Variants in TAOK2 observed in about 807,000 individuals in gnomAD.
TAOK2 encodes the protein TAO kinase 2.
TAOK2 carries 42 observed loss-of-function variants against 122.5 expected under a neutral mutation model. The ratio of observed to expected loss-of-function variants is 0.34; its 90% CI spans 0.27 to 0.44. TAOK2 has a LOEUF of 0.44. TAOK2 is among the 20% of genes least tolerant of loss of function. The probability of loss-of-function intolerance (pLI) is 1.00; values close to 1 mark genes in which losing one functional copy is unlikely to be tolerated. For missense variants in TAOK2, 1,264 were observed against 1,644.9 expected, an observed-to-expected ratio of 0.77 and a Z score of 4.01; for synonymous variants, 704 against 677.6, an observed-to-expected ratio of 1.04 and a Z score of -0.61.
chr16:29,990,936 C>T (rs750118642), downstream of TAOK2: 7 of 1,613,012 alleles, frequency 4.3e-6, no homozygotes, highest in African/African-American at 1.3e-5. Flanking sequence ...AGCAGAGGGT[C>T]GCGCTGCGGC....
At chr16:29,981,437 T>C in intron 8 of TAOK2, 1 of 612,570 alleles carries the variant, frequency 1.6e-6, no homozygotes, top group Admixed American at 2.7e-5. Context: ...GTGGATGTTA[T>C]TTTCTTTGAC....
chr16:29,987,140 C>T lies in TAOK2; in HGVS notation c.2868C>T (p.Ser956=). The change falls in exon 16 of 16, where the codon TCC becomes TCT. Residue 956 remains serine, a synonymous_variant. Transcript: ENST00000308893. ...CCCATGGCCTCCTGGCCGGCCTCTC[C>T]TTTGCAGTGGGGTCCTCCTCTGGCC... is the stretch of plus-strand genomic sequence containing the variant. ...LLSHGLLAGL[S]FAVGSSSGLL... is the part of the protein sequence containing the mutation. 6.3e-7 allele frequency: 1 copy of T among 1,588,740 alleles called. No homozygotes were observed. Among genetic ancestry groups the T allele is most frequent in the Non-Finnish European group, 8.5e-7 (1 of 1,170,080 alleles).
In TAOK2 at chr16:29,987,121, GCCT is replaced by G. The variant is rs762488172; in HGVS notation, c.2853_2855del (p.Leu952del). On this transcript the variant is annotated inframe_deletion, in exon 16 of 16. Transcript: ENST00000308893. ...CAGCTCCCTGGACTCCTGTCCCATG[GCCT>G]CCTGGCCGGCCTCTCCTTTGCAGTG... 1 of 1,606,396 alleles carries G rather than the reference GCCT, an allele frequency of 6.2e-7. No individual in the cohort carries two copies. The highest frequency in any genetic ancestry group is 2.2e-5 in the East Asian group (1 of 44,838).
chr16:29,990,269 T>C (rs1412064652), downstream of TAOK2: 1 of 164,740 alleles, frequency 6.1e-6, no homozygotes, highest in African/African-American at 2.4e-5. Context: ...CCAAGGCTGT[T>C]CTCTCACCCA....
Position 29,974,515 on chromosome 16 carries a change from C to G in TAOK2, c.-169C>G, listed in dbSNP as rs2069393832. The G allele has an allele frequency of 6.6e-6, 1 of 152,542 alleles. No individual in the cohort carries two copies. Among genetic ancestry groups the G allele is most frequent in the African/African-American group, 2.4e-5 (1 of 41,432 alleles). The allele number at this position is 152,542 out of a possible 1,614,324, so 9.4% of individuals were successfully genotyped here. A position where few individuals can be genotyped will look rare whatever the true frequency, so the allele number is the denominator to read the frequency against. On this transcript the variant is annotated 5_prime_UTR_variant, in exon 1 of 16. Transcript: ENST00000308893. ...CCAGGGGAGGCTTCCCGGGCCCGCC[C>G]CTCAGGAAGGGCGAAAGCCGAGGAA...
intron 2 of TAOK2, 27 bp downstream of exon 2, chr16:29,977,931 T>C (rs777442174): frequency 6.2e-7 from 1 of 1,613,972 alleles, no homozygotes; most frequent in African/African-American, 1.3e-5. Flanking sequence ...GAGGGTGTAA[T>C]AGGGATGGGG....
chr16:29,988,946 C>T, downstream of TAOK2: 1 of 985,368 alleles, frequency 1.0e-6, no homozygotes. Context: ...TTGAACTTGT[C>T]AGGCCCTTTC....
At position 29,986,824 on chromosome 16, in the gene TAOK2, T is replaced by C; in HGVS notation, c.2552T>C (p.Val851Ala). 1 of 1,613,850 alleles carries C rather than the reference T, an allele frequency of 6.2e-7. No homozygotes were observed. Among genetic ancestry groups the C allele is most frequent in the South Asian group, 1.1e-5 (1 of 91,072 alleles). ...GLPEEIEELRVPSLVPQERSI... is the reference protein window; with the variant it reads ...GLPEEIEELRAPSLVPQERSI... ...CCTGAGGAGATAGAGGAGCTTAGGG[T>C]GCCCTCCCTTGTACCCCAGGAGAGG... The change falls in exon 16 of 16, where the codon GTG becomes GCG. Residue 851 changes from valine (V) to alanine (A), a missense_variant. This residue lies in a region of TAOK2 where 824 missense variants were observed against 908.7 expected (regional missense o/e 0.91). Transcript: ENST00000308893. This position sits in a 1 kb window ranked among gnomAD's most constrained non-coding sequence, Gnocchi z 4.2.
chr16:29,976,072 T>C (rs925431176), intron 1 of TAOK2, among the ~76,000 whole-genome samples: 2 of 152,148 alleles, frequency 1.3e-5, no homozygotes, highest in African/African-American at 2.4e-5. Flanking sequence ...CAAGTGTTTG[T>C]TGTTATTATG....
Position 29,988,203 on chromosome 16 carries a change from C to A in TAOK2, c.*223C>A. The A allele has an allele frequency of 7.0e-7, 1 of 1,433,658 alleles. No homozygotes were observed. 88.8% of individuals were successfully genotyped at this position (1,433,658 alleles called of 1,614,324 possible). On this transcript the variant is annotated 3_prime_UTR_variant, in exon 16 of 16. Coordinates refer to ENST00000308893, the MANE Select transcript of TAOK2 (RefSeq NM_016151.4). ...CTGGCGCTCCTCCCCTAAGTTATTG[C>A]TGTTCGCCCGCTGTGTGTGCTCATC...
At position 29,985,012 on chromosome 16, in the gene TAOK2, G is replaced by A. The variant is rs945757514; in HGVS notation, c.1423-201G>A. On this transcript the variant is annotated intron_variant, in intron 13 of 15. Coordinates refer to ENST00000308893, the MANE Select transcript of TAOK2 (RefSeq NM_016151.4). This position sits in a 1 kb window ranked among gnomAD's most constrained non-coding sequence, Gnocchi z 6.9. ...CTGTGCTCGCCACCTTTTATCATTC[G>A]GCCACACCAACTTGTGATGTAGATA... 17 of 584,132 alleles carry A rather than the reference G, an allele frequency of 2.9e-5. No homozygotes were observed. The highest frequency in any genetic ancestry group is 6.7e-5 in the East Asian group (2 of 29,882). 36.2% of individuals were successfully genotyped at this position (584,132 alleles called of 1,614,324 possible). A position where few individuals can be genotyped will look rare whatever the true frequency, so the allele number is the denominator to read the frequency against.
downstream of TAOK2, chr16:29,989,313 ACCTC>A (rs553771855): frequency 2.1e-4 from 205 of 981,236 alleles, 1 homozygote; most frequent in Admixed American, 1.1e-3. Flanking sequence ...TGCTCTTGGA[ACCTC>A]TTGTCTTCTC....
rs377218628 is a variant in TAOK2 at position 29,988,001 on chromosome 16, C to T, written c.*21C>T. The T allele has an allele frequency of 1.2e-4, 181 of 1,511,832 alleles. 1 individual carries two copies. The East Asian group carries it at 3.8e-3, about 32-fold the overall frequency. 93.7% of individuals were successfully genotyped at this position (1,511,832 alleles called of 1,614,324 possible). A position where few individuals can be genotyped will look rare whatever the true frequency, so the allele number is the denominator to read the frequency against. Reference sequence around the variant, plus strand: ...GGTAGCTGACTCCAGCCCTTCCAGCCCAAATCTAGAGCATTGAGCACTTTA... The same window carrying T: ...GGTAGCTGACTCCAGCCCTTCCAGCTCAAATCTAGAGCATTGAGCACTTTA... On this transcript the variant is annotated 3_prime_UTR_variant, in exon 16 of 16. Transcript: ENST00000308893.
At position 29,978,666 on chromosome 16, in the gene TAOK2, C is replaced by T. The variant is rs1384519134; in HGVS notation, c.307-133C>T. 7 of 989,876 alleles carry T rather than the reference C, an allele frequency of 7.1e-6. No individual in the cohort carries two copies. In the African/African-American group the frequency reaches 8.0e-5, roughly 11 times the overall value. The allele number at this position is 989,876 out of a possible 1,614,324, so 61.3% of individuals were successfully genotyped here. ...ACTCTAGAAACTCTCCCACCACCCC[C>T]TCATTGTCTCCAGTTGCGCTTCCTC... On this transcript the variant is annotated intron_variant, in intron 4 of 15. Coordinates refer to ENST00000308893, the MANE Select transcript of TAOK2 (RefSeq NM_016151.4).
chr16:29,984,436 C>T (rs1233071672), intron 13 of TAOK2, among the ~76,000 whole-genome samples: 1 of 152,190 alleles, frequency 6.6e-6, no homozygotes, highest in Non-Finnish European at 1.5e-5. Flanking sequence ...CACGTTCCTG[C>T]TGAGCTGCAT....
At chr16:29,991,101 C>G, downstream of TAOK2, 1 of 1,596,640 alleles carries the variant, frequency 6.3e-7, no homozygotes, top group East Asian at 2.2e-5. This position sits in a 1 kb window ranked among gnomAD's most constrained non-coding sequence, Gnocchi z 5.6. Context: ...AATCCGCAGT[C>G]TGCTTGAGCG....
chr16:29,980,291 C>T (rs2069574588), intron 8 of TAOK2: 1 of 152,210 alleles, frequency 6.6e-6, no homozygotes, highest in African/African-American at 2.4e-5. Flanking sequence ...AAACAGTTGC[C>T]TAAGAGTTGC....
At chr16:29,990,885 C>T (rs774634150), downstream of TAOK2, 1 of 1,613,704 alleles carries the variant, frequency 6.2e-7, no homozygotes, top group Admixed American at 1.7e-5. Context: ...AGATCAAGAT[C>T]CGCACAGAGA....
chr16:29,991,403 CCTG>C (rs1318776779), downstream of TAOK2: 5 of 1,549,404 alleles, frequency 3.2e-6, no homozygotes, highest in East Asian at 2.4e-5. The surrounding 1 kb of genome is among the most constrained non-coding windows in gnomAD (Gnocchi z 5.6). Flanking sequence ...GTGGCGGAGC[CCTG>C]CTGCTGCTAA....
Sources: allele counts gnomAD v4.1 joint callset (sites outside exome capture counted in the v4.1 genomes callset), GRCh38; gene constraint gnomAD v4.1.1; regional missense constraint gnomAD v4.1.1; non-coding constraint Gnocchi (gnomAD v3.1); transcripts MANE v1.5; gene names NCBI Gene and HGNC (gene_info 2026-07-23, HGNC 2026-07-21).